Variants in IRAK2 observed in about 807,000 individuals in gnomAD.
IRAK2 encodes interleukin 1 receptor associated kinase 2.
Under a neutral mutation model 72.0 loss-of-function variants are expected in IRAK2, and 57 were observed. The observed-to-expected ratio is 0.79, with a 90% CI of 0.64 to 0.99. The LOEUF (loss-of-function observed/expected upper bound fraction) is 0.99, where lower values mean the gene tolerates loss of function less well. Among genes scored for constraint, IRAK2 ranks in the 50% least tolerant of loss-of-function variants. The pLI is 0.00. For missense variants in IRAK2, 790 were observed against 794.4 expected (o/e 0.99, Z 0.07); for synonymous variants, 293 against 312.7 (o/e 0.94, Z 0.67).
chr3:10,233,522 T>C (rs1178626687), intron 10 of IRAK2, among the ~76,000 whole-genome samples: 3 of 152,194 alleles, frequency 2.0e-5, no homozygotes, highest in Non-Finnish European at 4.4e-5. Flanking sequence ...TTCAGATTGC[T>C]GCATTTTATG....
chr3:10,224,336 CA>C (rs202221336), intron 9 of IRAK2, among the ~76,000 whole-genome samples: 294 of 121,744 alleles, frequency 2.4e-3, no homozygotes, highest in Admixed American at 2.8e-3. Context: ...GATTCTGTCT[CA>C]AAAAAAAAAA....
intron 10 of IRAK2, among the ~76,000 whole-genome samples, chr3:10,231,985 G>A (rs150175231): frequency 0.014 from 2,076 of 152,240 alleles, 41 homozygotes; most frequent in African/African-American, 0.048. Context: ...AAATTAGCCG[G>A]GCATGGTGGC....
chr3:10,234,689 C>T, intron 11 of IRAK2, 30 bp downstream of exon 11: 1 of 1,589,142 alleles, frequency 6.3e-7, no homozygotes, highest in Non-Finnish European at 8.6e-7. Context: ...GCCTCGCTGC[C>T]TGGGCCACGC....
At chr3:10,232,075 C>A (rs926359617) in intron 10 of IRAK2, among the ~76,000 whole-genome samples, 24 of 152,146 alleles carry the variant, frequency 1.6e-4, no homozygotes, top group Admixed American at 9.2e-4. Context: ...TGCAGTGAGC[C>A]GAGATCGTGC....
At chr3:10,227,044 TTC>T (rs1272071553) in intron 10 of IRAK2, among the ~76,000 whole-genome samples, 2 of 152,138 alleles carry the variant, frequency 1.3e-5, no homozygotes, top group Non-Finnish European at 2.9e-5. Flanking sequence ...ATTAGGGATT[TTC>T]CTCAAATTGA....
intron 6 of IRAK2, among the ~76,000 whole-genome samples, chr3:10,216,514 A>G (rs1041280834): frequency 2.0e-5 from 3 of 152,080 alleles, no homozygotes; most frequent in Non-Finnish European, 4.4e-5. Context: ...AAGAGTGGTC[A>G]GAGAGGTAGG....
intron 4 of IRAK2, among the ~76,000 whole-genome samples, chr3:10,212,341 G>C (rs933827017): frequency 6.8e-6 from 1 of 147,502 alleles, no homozygotes; most frequent in Non-Finnish European, 1.5e-5. Flanking sequence ...ATTAGTATTA[G>C]TGTATTTTAT....
At chr3:10,178,047 TG>T in intron 2 of IRAK2, 27 bp downstream of exon 2, 1 of 1,549,018 alleles carries the variant, frequency 6.5e-7, no homozygotes. Context: ...CCTCCTTGAG[TG>T]GGGCCCATCA....
In IRAK2 at chr3:10,177,980, C is replaced by A. The variant is rs766945927; in HGVS notation, c.237C>A (p.Cys79Ter). 2.5e-6 allele frequency: 4 copies of A among 1,612,988 alleles called. No individual in the cohort carries two copies. The South Asian group carries it at 4.4e-5, about 18-fold the overall frequency. The change falls in exon 2 of 13, where the codon TGC becomes TGA. Residue 79 changes from cysteine to a stop codon, truncating the protein, a stop_gained. Coordinates refer to ENST00000256458, the MANE Select transcript of IRAK2 (RefSeq NM_001570.4). LOFTEE classifies it high-confidence loss of function. ...TCCAGCAACTTGTGGACCTCCTGTG[C>A]CGCCTGGAGCTCTACCGGGCTGCCC... Reference protein sequence around the residue: ...ATVQQLVDLLCRLELYRAAQI... With the variant: ...ATVQQLVDLL
Position 10,237,136 on chromosome 3 carries a change from A to G in IRAK2, c.1474-1612A>G, listed in dbSNP as rs867597171. 7.2e-5 allele frequency among the ~76,000 whole-genome samples: 11 copies of G among 152,386 alleles called. No individual in the cohort carries two copies. The South Asian group carries it at 2.1e-3, about 29-fold the overall frequency. Reference sequence around the variant, plus strand: ...ATAATAGAGAGCAGAACTTAGCTACATGGCCACGCCTAGCTCCAAGGAAAT... The same window carrying G: ...ATAATAGAGAGCAGAACTTAGCTACGTGGCCACGCCTAGCTCCAAGGAAAT... On this transcript the variant is annotated intron_variant, in intron 11 of 12. Coordinates refer to ENST00000256458, the MANE Select transcript of IRAK2 (RefSeq NM_001570.4).
At chr3:10,176,138 T>C (rs1359542813) in intron 1 of IRAK2, among the ~76,000 whole-genome samples, 1 of 149,498 alleles carries the variant, frequency 6.7e-6, no homozygotes, top group Non-Finnish European at 1.5e-5. Flanking sequence ...AAAGAATGCA[T>C]TATTTTTATT....
At chr3:10,230,193 AT>A (rs760516079) in intron 10 of IRAK2, among the ~76,000 whole-genome samples, 3 of 152,212 alleles carry the variant, frequency 2.0e-5, no homozygotes, top group Non-Finnish European at 2.9e-5. Context: ...ATATAGTATG[AT>A]CACATTTTTG....
Position 10,213,285 on chromosome 3 carries a change from G to A in IRAK2, c.607G>A (p.Val203Met), listed in dbSNP as rs148608407. 2,635 of 1,614,128 alleles carry A rather than the reference G, an allele frequency of 1.6e-3. 9 individuals carry two copies. Among genetic ancestry groups the A allele is most frequent in the Non-Finnish European group, 2.1e-3 (2,443 of 1,180,008 alleles). Residue 203 changes from valine (V) to methionine (M), a missense_variant, in exon 5 of 13, where the codon GTG (valine) becomes ATG (methionine). Coordinates refer to ENST00000256458, the MANE Select transcript of IRAK2 (RefSeq NM_001570.4). The stretch of plus-strand genomic sequence containing the variant: ...CAGCCTTTTCTGGAGTGAGGCAGAC[G>A]TGGTCCAGGCAACCGATGACTTCAA... ...GDSLFWSEAD[V>M]VQATDDFNQN...
rs776082881 is a variant in IRAK2, at chr3:10,222,689, C to G, written c.1067C>G (p.Ala356Gly). The change falls in exon 9 of 13, where the codon GCT (alanine) becomes GGT (glycine). Residue 356 changes from alanine (A) to glycine (G), a missense_variant. Coordinates refer to ENST00000256458, the MANE Select transcript of IRAK2 (RefSeq NM_001570.4). ...NLTPKLAHPM[A>G]HLCPVNKRSK... ...ACCCCCAAACTTGCTCACCCAATGG[C>G]TCATCTGTGTCCTGTCAACAAAAGG... is the stretch of plus-strand genomic sequence containing the variant. The G allele has an allele frequency of 6.2e-7, 1 of 1,614,066 alleles. No homozygotes were observed. Among genetic ancestry groups the G allele is most frequent in the South Asian group, 1.1e-5 (1 of 91,090 alleles).
At chr3:10,192,817 G>A (rs1009317756) in intron 2 of IRAK2, among the ~76,000 whole-genome samples, 3 of 152,182 alleles carry the variant, frequency 2.0e-5, no homozygotes, top group Non-Finnish European at 4.4e-5. Context: ...TACTCGGGAG[G>A]GTGAGGTAGG....
chr3:10,225,684 G>A (rs1253725453), intron 9 of IRAK2, among the ~76,000 whole-genome samples: 1 of 150,776 alleles, frequency 6.6e-6, no homozygotes, highest in Non-Finnish European at 1.5e-5. Flanking sequence ...GCTTGCCATA[G>A]CTGAAGGTTT....
At chr3:10,212,757 C>T (rs1697539512) in intron 4 of IRAK2, among the ~76,000 whole-genome samples, 1 of 148,456 alleles carries the variant, frequency 6.7e-6, no homozygotes, top group Admixed American at 6.8e-5. Context: ...TGGGCCTATC[C>T]ATGTCCTTTT....
At chr3:10,213,570 T>C in intron 6 of IRAK2, 22 bp downstream of exon 6, 1 of 1,579,562 alleles carries the variant, frequency 6.3e-7, no homozygotes, top group Non-Finnish European at 8.7e-7. Context: ...CTTTGTTTAG[T>C]AATAATGATA....
intron 1 of IRAK2, among the ~76,000 whole-genome samples, chr3:10,176,964 G>A (rs936232910): frequency 3.3e-5 from 5 of 151,702 alleles, no homozygotes; most frequent in Admixed American, 6.6e-5. Flanking sequence ...CACCACGCCC[G>A]GCTAATTTTT....
Sources: gnomAD v4.1 joint callset for allele counts (sites outside exome capture counted in the v4.1 genomes callset) on GRCh38, gnomAD v4.1.1 for gene constraint, MANE v1.5 for transcripts, NCBI Gene and HGNC (gene_info 2026-07-23, HGNC 2026-07-21) for gene names.